CNDP1: variants seen among roughly 807,000 people sequenced by gnomAD.
CNDP1 encodes carnosine dipeptidase 1.
A neutral mutation model predicts 58.1 loss-of-function variants in CNDP1; 44 were observed. The ratio of observed to expected loss-of-function variants is 0.76; its 90% CI spans 0.60 to 0.97. The LOEUF is 0.97. Ranked by LOEUF, CNDP1 falls within the 50% of genes least tolerant of loss-of-function variation. The pLI is 0.00. For missense variants in CNDP1, 616 were observed against 655.1 expected (o/e 0.94, Z 0.65); for synonymous variants, 254 against 252.6 (o/e 1.01, Z -0.05).
intron 1 of CNDP1, among the ~76,000 whole-genome samples, chr18:74,553,663 T>C (rs1055068666): frequency 1.3e-5 from 2 of 152,214 alleles, no homozygotes; most frequent in African/African-American, 4.8e-5. Context: ...TTTATAACTA[T>C]TCTTAAACTT....
At position 74,547,042 on chromosome 18, in the gene CNDP1, A is replaced by G. The variant is rs991447041; in HGVS notation, c.25-9296A>G. ...AAACCACGCCCTTGCTGACTCCTCC[A>G]TGGGGACTTGCCGCCACAGTGAGTT... On this transcript the variant is annotated intron_variant, in intron 1 of 11. Transcript: ENST00000358821. 5.9e-5 allele frequency among the ~76,000 whole-genome samples: 9 copies of G among 152,186 alleles called. 1 individual carries two copies. The highest frequency in any genetic ancestry group is 1.9e-4 in the African/African-American group (8 of 41,448).
intron 4 of CNDP1, chr18:74,561,749 A>C: frequency 4.0e-6 from 1 of 252,576 alleles, no homozygotes; most frequent in Non-Finnish European, 7.9e-6. Flanking sequence ...TCTCCGGTGA[A>C]CTTGGATAAA....
chr18:74,537,614 G>A (rs1052265510), intron 1 of CNDP1, among the ~76,000 whole-genome samples: 10 of 152,162 alleles, frequency 6.6e-5, no homozygotes, highest in Non-Finnish European at 1.5e-4. Context: ...TGAGGTTTGG[G>A]GAGCTGGACC....
intron 3 of CNDP1, 31 bp downstream of exon 3, chr18:74,559,503 G>A (rs914640534): frequency 1.9e-6 from 3 of 1,583,186 alleles, no homozygotes; most frequent in Middle Eastern, 1.9e-4. Context: ...ACTGAGGGAG[G>A]TGCTACTTCT....
chr18:74,560,096 G>A (rs968745003), intron 3 of CNDP1, among the ~76,000 whole-genome samples: 8 of 138,834 alleles, frequency 5.8e-5, no homozygotes, highest in Admixed American at 8.3e-5. Flanking sequence ...TGCAACCTCC[G>A]CCTCCCAGGT....
At chr18:74,571,108 G>A in intron 6 of CNDP1, 78 bp from the exon 7 acceptor site, 2 of 921,874 alleles carry the variant, frequency 2.2e-6, no homozygotes, top group Non-Finnish European at 1.8e-6. Flanking sequence ...ACGCAGATAT[G>A]TATTTCACCA....
chr18:74,547,031 C>T (rs1980777171), intron 1 of CNDP1, among the ~76,000 whole-genome samples: 1 of 152,200 alleles, frequency 6.6e-6, no homozygotes, highest in Non-Finnish European at 1.5e-5. Flanking sequence ...CACGCCCTTG[C>T]TGACTCCTCC....
At chr18:74,580,010 G>A in intron 9 of CNDP1, 120 bp from the exon 10 acceptor site, 1 of 885,460 alleles carries the variant, frequency 1.1e-6, no homozygotes, top group East Asian at 2.7e-5. Context: ...TGGGGCTTCA[G>A]TTTCTTGATG....
Position 74,545,449 on chromosome 18 carries a change from G to A in CNDP1, c.24+10758G>A, listed in dbSNP as rs1980734729. 6.6e-6 allele frequency among the ~76,000 whole-genome samples: 1 copy of A among 152,150 alleles called. No homozygotes were observed. The highest frequency in any genetic ancestry group is 2.4e-5 in the African/African-American group (1 of 41,442). ...GAATGTGTAAGATGACACTTTAAAGGCTGTGTACGTAATTACAGGTTTCTA... is the reference window on the plus strand; with the variant it reads ...GAATGTGTAAGATGACACTTTAAAGACTGTGTACGTAATTACAGGTTTCTA... On this transcript the variant is annotated intron_variant, in intron 1 of 11. Coordinates refer to ENST00000358821, the MANE Select transcript of CNDP1 (RefSeq NM_032649.6). The surrounding 1 kb of genome is among the most constrained non-coding windows in gnomAD (Gnocchi z 4.1).
chr18:74,550,373 T>A (rs1980870729), intron 1 of CNDP1, among the ~76,000 whole-genome samples: 2 of 152,222 alleles, frequency 1.3e-5, no homozygotes, highest in Non-Finnish European at 2.9e-5. Context: ...GGAGCCCCTT[T>A]CTTTTGACTG....
At position 74,556,357 on chromosome 18, in the gene CNDP1, T is replaced by C. The variant is rs765039861; in HGVS notation, c.44T>C (p.Val15Ala). Residue 15 changes from valine (V) to alanine (A), a missense_variant, in exon 2 of 12, where the codon GTG (valine) becomes GCG (alanine). By Grantham distance (64) the Val-to-Ala change is moderately conservative. Coordinates refer to ENST00000358821, the MANE Select transcript of CNDP1 (RefSeq NM_032649.6). ...LGRMAASLLAVLLLLLERGMF... is the reference protein window; with the variant it reads ...LGRMAASLLAALLLLLERGMF... Reference sequence around the variant, plus strand: ...TTCCAGGCTGCGTCCCTGCTGGCTGTGCTGCTGCTGCTGCTGGAGCGCGGC... The same window carrying C: ...TTCCAGGCTGCGTCCCTGCTGGCTGCGCTGCTGCTGCTGCTGGAGCGCGGC... The C allele has an allele frequency of 3.8e-6, 5 of 1,320,272 alleles. No homozygotes were observed. The South Asian group carries it at 4.1e-5, about 11-fold the overall frequency. The allele number at this position is 1,320,272 out of a possible 1,614,324, so 81.8% of individuals were successfully genotyped here.
In CNDP1 at chr18:74,551,524, G is replaced by A. The variant is rs375009301; in HGVS notation, c.25-4814G>A. Reference sequence around the variant, plus strand: ...CTGGACAGCAAATTGACTATAGCAGGCTGCCCTGCTCTGTGGGGAAAAGGG... The same window carrying A: ...CTGGACAGCAAATTGACTATAGCAGACTGCCCTGCTCTGTGGGGAAAAGGG... On this transcript the variant is annotated intron_variant, in intron 1 of 11. Coordinates refer to ENST00000358821, the MANE Select transcript of CNDP1 (RefSeq NM_032649.6). Among the ~76,000 whole-genome samples, 7 of 152,126 alleles carry A rather than the reference G, an allele frequency of 4.6e-5. No homozygotes were observed. The East Asian group carries it at 7.7e-4, about 17-fold the overall frequency.
intron 3 of CNDP1, 146 bp from the exon 4 acceptor site, chr18:74,560,710 A>G (rs1172872413): frequency 2.6e-6 from 2 of 770,584 alleles, no homozygotes; most frequent in East Asian, 4.9e-5. Flanking sequence ...AGAAAAAAAA[A>G]GTGTTTCATG....
rs1448824065 is a variant in CNDP1 at position 74,560,871 on chromosome 18, AGTCTTCCAATACCTCCC to A, written c.323_339del (p.Leu108HisfsTer26). On this transcript the variant is annotated frameshift_variant, in exon 4 of 12. Transcript: ENST00000358821. LOFTEE classifies it high-confidence loss of function. ...CATTCTGCAGCTGCCCGATGGTCAG[AGTCTTCCAATACCTCCC>A]GTCATCCTGGCCGAACTGGGGAGCG... is the stretch of plus-strand genomic sequence containing the variant. 2.5e-6 allele frequency: 4 copies of A among 1,613,584 alleles called. No individual in the cohort carries two copies. Among genetic ancestry groups the A allele is most frequent in the Non-Finnish European group, 3.4e-6 (4 of 1,179,632 alleles).
intron 1 of CNDP1, among the ~76,000 whole-genome samples, chr18:74,543,354 G>A (rs892663615): frequency 1.1e-4 from 16 of 152,138 alleles, no homozygotes; most frequent in Middle Eastern, 6.8e-3. Context: ...GTAGCTGGAT[G>A]TGGTGGCATG....
intron 1 of CNDP1, among the ~76,000 whole-genome samples, chr18:74,546,631 G>A (rs549290280): frequency 6.6e-6 from 1 of 152,252 alleles, no homozygotes; most frequent in South Asian, 2.1e-4. Context: ...GTTCCTAAGT[G>A]CTAGTGCCTG....
intron 1 of CNDP1, 81 bp from the exon 2 acceptor site, chr18:74,556,257 C>G: frequency 6.6e-7 from 1 of 1,507,440 alleles, no homozygotes; most frequent in South Asian, 1.3e-5. Context: ...GGTAACAGAC[C>G]TTCTTGAGGA....
At chr18:74,552,168 T>A (rs756219581) in intron 1 of CNDP1, among the ~76,000 whole-genome samples, 24 of 152,238 alleles carry the variant, frequency 1.6e-4, no homozygotes, top group Non-Finnish European at 2.9e-4. Context: ...GTTCTTACCT[T>A]GACCTTGCTT....
Position 74,583,658 on chromosome 18 carries a change from G to T in CNDP1, c.1407G>T (p.Pro469=), listed in dbSNP as rs143921310. 44 of 1,614,120 alleles carry T rather than the reference G, an allele frequency of 2.7e-5. No homozygotes were observed. The Admixed American group carries it at 6.3e-4, about 23-fold the overall frequency. The change falls in exon 11 of 12, where the codon CCG becomes CCT. Residue 469 remains proline (P), a synonymous_variant. Coordinates refer to ENST00000358821, the MANE Select transcript of CNDP1 (RefSeq NM_032649.6). The part of the protein sequence containing the change: ...EIVHKSVVLI[P]LGAVDDGEHS... ...TCCACAAGAGCGTGGTGCTAATTCC[G>T]CTGGGAGCTGTTGATGATGGAGAAC...
Sources: gnomAD v4.1 joint callset for allele counts (sites outside exome capture counted in the v4.1 genomes callset) on GRCh38, gnomAD v4.1.1 for gene constraint, Gnocchi (gnomAD v3.1) non-coding constraint, MANE v1.5 for transcripts, NCBI Gene and HGNC (gene_info 2026-07-23, HGNC 2026-07-21) for gene names.